PTPRM: variants seen among roughly 807,000 people sequenced by gnomAD.
PTPRM encodes receptor-type tyrosine-protein phosphatase mu.
A neutral mutation model predicts 186.7 loss-of-function variants in PTPRM; 47 were observed. The observed-to-expected ratio is 0.25, with a 90% CI of 0.20 to 0.32. The LOEUF (loss-of-function observed/expected upper bound fraction) is 0.32. PTPRM is among the 10% of genes least tolerant of loss of function. The pLI is 1.00. For missense variants in PTPRM, 1,494 were observed against 1,865.0 expected, an observed-to-expected ratio of 0.80 and a Z score of 3.66; for synonymous variants, 668 against 674.9, an observed-to-expected ratio of 0.99 and a Z score of 0.16.
At chr18:7,989,042 A>G (rs534643755) in intron 7 of PTPRM, among the ~76,000 whole-genome samples, 3 of 152,298 alleles carry the variant, frequency 2.0e-5, no homozygotes, top group Middle Eastern at 6.8e-3. Flanking sequence ...TTAAGTACAT[A>G]TTGCTTATTA....
intron 19 of PTPRM, among the ~76,000 whole-genome samples, chr18:8,284,138 T>C (rs1203300726): frequency 6.6e-6 from 1 of 152,202 alleles, no homozygotes; most frequent in Non-Finnish European, 1.5e-5. Context: ...GGGCATTAGC[T>C]CTCGGCTGTT....
At chr18:8,384,816 C>A in intron 30 of PTPRM, 130 bp downstream of exon 30, 1 of 1,154,576 alleles carries the variant, frequency 8.7e-7, no homozygotes, top group Non-Finnish European at 1.2e-6. Context: ...ACCAAAAAAA[C>A]ATAGATTCCT....
At chr18:7,702,732 C>T (rs1435164214) in intron 1 of PTPRM, among the ~76,000 whole-genome samples, 2 of 152,076 alleles carry the variant, frequency 1.3e-5, no homozygotes, top group African/African-American at 4.8e-5. Context: ...CATTTGTTGC[C>T]ATTGCTTTTG....
chr18:7,757,917 TA>T (rs2041583314), intron 1 of PTPRM, among the ~76,000 whole-genome samples: 2 of 151,862 alleles, frequency 1.3e-5, no homozygotes, highest in South Asian at 2.1e-4. Context: ...CATGGGGAGA[TA>T]AAAGAGCTTG....
At position 8,165,347 on chromosome 18, in the gene PTPRM, T is replaced by C. The variant is rs149997594; in HGVS notation, c.2300+21568T>C. Among the ~76,000 whole-genome samples, 329 of 152,208 alleles carry C rather than the reference T, an allele frequency of 2.2e-3. 1 individual carries two copies. Among genetic ancestry groups the C allele is most frequent in the African/African-American group, 7.5e-3 (313 of 41,534 alleles). On this transcript the variant is annotated intron_variant, in intron 14 of 32. Coordinates refer to ENST00000580170, the MANE Select transcript of PTPRM (RefSeq NM_001105244.2). ...ATCAAGTGTTTCCCTTTTAGACTGTTAGGCCAAGGATGGCTAAGAAAGTTA... is the reference window on the plus strand; with the variant it reads ...ATCAAGTGTTTCCCTTTTAGACTGTCAGGCCAAGGATGGCTAAGAAAGTTA...
chr18:8,047,169 A>G (rs1659794023), intron 7 of PTPRM, among the ~76,000 whole-genome samples: 6 of 152,206 alleles, frequency 3.9e-5, no homozygotes, highest in Admixed American at 3.9e-4. Context: ...GGTAAGAATC[A>G]TGAGCATTTT....
At chr18:8,210,788 T>C (rs1329189406) in intron 14 of PTPRM, among the ~76,000 whole-genome samples, 1 of 152,130 alleles carries the variant, frequency 6.6e-6, no homozygotes, top group Non-Finnish European at 1.5e-5. Flanking sequence ...GGGGAACTGT[T>C]GCTTTAAAGG....
chr18:8,307,677 G>A (rs2095236051), intron 20 of PTPRM, among the ~76,000 whole-genome samples: 1 of 151,998 alleles, frequency 6.6e-6, no homozygotes, highest in Non-Finnish European at 1.5e-5. Flanking sequence ...GGTGGCAGCT[G>A]CCTGTAATCC....
intron 19 of PTPRM, among the ~76,000 whole-genome samples, chr18:8,280,006 C>A (rs1254001374): frequency 6.6e-6 from 1 of 152,304 alleles, no homozygotes; most frequent in African/African-American, 2.4e-5. Context: ...ATCAGAATCG[C>A]TTCCATTTAA....
At chr18:8,023,395 T>G (rs1187842350) in intron 7 of PTPRM, among the ~76,000 whole-genome samples, 1 of 152,210 alleles carries the variant, frequency 6.6e-6, no homozygotes, top group Non-Finnish European at 1.5e-5. Flanking sequence ...GGAGGAGAGA[T>G]ATATAGGCTG....
At chr18:8,350,078 C>T (rs997665692) in intron 23 of PTPRM, among the ~76,000 whole-genome samples, 16 of 152,194 alleles carry the variant, frequency 1.1e-4, no homozygotes, top group Admixed American at 3.3e-4. Flanking sequence ...AAACTCCCTA[C>T]CAATAGGAGC....
intron 1 of PTPRM, among the ~76,000 whole-genome samples, chr18:7,684,445 T>A (rs2039551998): frequency 1.3e-5 from 2 of 152,162 alleles, no homozygotes; most frequent in South Asian, 4.1e-4. Flanking sequence ...GTACAGCAGA[T>A]CTCTAGAACT....
At chr18:7,606,621 A>G (rs780548631) in intron 1 of PTPRM, among the ~76,000 whole-genome samples, 1 of 152,096 alleles carries the variant, frequency 6.6e-6, no homozygotes, top group Admixed American at 6.6e-5. Context: ...CATTAGATAG[A>G]GCGTGATGGT....
intron 7 of PTPRM, among the ~76,000 whole-genome samples, chr18:7,984,500 T>A (rs996463708): frequency 6.7e-6 from 1 of 148,830 alleles, no homozygotes; most frequent in Non-Finnish European, 1.5e-5. Context: ...CCTTCGTGAT[T>A]AATATTTTTT....
intron 7 of PTPRM, among the ~76,000 whole-genome samples, chr18:8,029,470 T>C (rs2085810534): frequency 6.6e-6 from 1 of 152,156 alleles, no homozygotes. Flanking sequence ...CCTCTCCTCA[T>C]GCTTGCTTGG....
At chr18:7,886,551 G>A (rs960878067) in intron 2 of PTPRM, among the ~76,000 whole-genome samples, 6 of 152,160 alleles carry the variant, frequency 3.9e-5, no homozygotes, top group Non-Finnish European at 8.8e-5. Flanking sequence ...TCACTGCTGT[G>A]AAAGGGTATT....
Position 8,021,126 on chromosome 18 carries a change from C to T in PTPRM, c.1133-48560C>T, listed in dbSNP as rs535468416. On this transcript the variant is annotated intron_variant, in intron 7 of 32. Transcript: ENST00000580170. ...TGAGTAGCAGTACCTGTTGACTGAC[C>T]TGCTGTGTGCTCTGTTAGAAAATTA... 3.9e-5 allele frequency among the ~76,000 whole-genome samples: 6 copies of T among 152,226 alleles called. No homozygotes were observed. The South Asian group carries it at 1.2e-3, about 32-fold the overall frequency.
chr18:7,942,242 T>A (rs2052222707), intron 5 of PTPRM, among the ~76,000 whole-genome samples: 1 of 149,188 alleles, frequency 6.7e-6, no homozygotes, highest in Non-Finnish European at 1.5e-5. Context: ...AAGATCGAGC[T>A]GCTGCATTCC....
At chr18:8,304,714 G>A (rs377223580) in intron 20 of PTPRM, among the ~76,000 whole-genome samples, 4 of 152,040 alleles carry the variant, frequency 2.6e-5, no homozygotes, top group Admixed American at 6.6e-5. Flanking sequence ...GGAAAACTTG[G>A]GGAACATATC....
Sources: gnomAD v4.1 joint callset for allele counts (sites outside exome capture counted in the v4.1 genomes callset) on GRCh38, gnomAD v4.1.1 for gene constraint, MANE v1.5 for transcripts, NCBI Gene and HGNC (gene_info 2026-07-23, HGNC 2026-07-21) for gene names.